Variants in HERC1 observed in about 807,000 individuals in gnomAD.
The protein encoded by HERC1 is HECT and RLD domain containing E3 ubiquitin protein ligase family member 1.
In HERC1, 160 loss-of-function variants were observed where a neutral mutation model predicts 554.3. That is an observed-to-expected ratio of 0.29 (90% CI 0.25 to 0.33). HERC1 has a LOEUF of 0.33. HERC1 is among the 10% of genes least tolerant of loss of function. HERC1 has a pLI of 1.00. For missense variants in HERC1, 4,919 were observed against 5,918.5 expected (o/e 0.83, Z 5.54); for synonymous variants, 2,175 against 2,131.7 (o/e 1.02, Z -0.56).
At position 63,660,956 on chromosome 15, in the gene HERC1, C is replaced by G. The variant is rs983969993; in HGVS notation, c.9223+17G>C. On this transcript the variant is annotated intron_variant, in intron 46 of 77. Transcript: ENST00000443617. ...TAAAAAAACATGTAAAATAAAGAAG[C>G]TCTCAAAACAAACTACCTTCATACA... The G allele has an allele frequency of 5.2e-6, 8 of 1,537,282 alleles. No individual in the cohort carries two copies. In the African/African-American group the frequency reaches 9.5e-5, roughly 18 times the overall value.
Position 63,674,366 on chromosome 15 carries a change from G to T in HERC1, c.7822C>A (p.Gln2608Lys). ...KLVVHGLLED[Q>K]FGGKIKQEID... is the part of the protein sequence containing the mutation. Reference sequence around the variant, plus strand: ...CCTTGCTTAATTTTGCCCCCAAACTGGTCTTCCAAAAGCCCATGAACCACT... The same window carrying T: ...CCTTGCTTAATTTTGCCCCCAAACTTGTCTTCCAAAAGCCCATGAACCACT... Residue 2608 changes from glutamine (Q) to lysine (K), a missense_variant, in exon 38 of 78, where the codon CAG becomes AAG. Physicochemically the swap from Gln to Lys is moderately conservative, Grantham distance 53. Coordinates refer to ENST00000443617, the MANE Select transcript of HERC1 (RefSeq NM_003922.4). The T allele has an allele frequency of 6.2e-7, 1 of 1,605,078 alleles. No individual in the cohort carries two copies. The highest frequency in any genetic ancestry group is 8.5e-7 in the Non-Finnish European group (1 of 1,175,800).
intron 1 of HERC1, among the ~76,000 whole-genome samples, chr15:63,822,106 A>G (rs1327039049): frequency 6.6e-6 from 1 of 152,114 alleles, no homozygotes; most frequent in African/African-American, 2.4e-5. Flanking sequence ...AGCAGTGCAA[A>G]AACTTGAGGA....
At chr15:63,650,145 G>A (rs2069592508) in intron 53 of HERC1, among the ~76,000 whole-genome samples, 1 of 152,056 alleles carries the variant, frequency 6.6e-6, no homozygotes, top group African/African-American at 2.4e-5. Context: ...GCTCATGCCT[G>A]TAATCCTAGC....
chr15:63,651,394 G>A lies in HERC1; in HGVS notation c.10419-14C>T, dbSNP rs1365481031. ...GCATCCCCTTCCCTAGAATATAACA[G>A]ACAGATATGCAGTTCTAATCCCCAT... On this transcript the variant is annotated splice_polypyrimidine_tract_variant and intron_variant, in intron 52 of 77. Transcript: ENST00000443617. The A allele has an allele frequency of 6.2e-7, 1 of 1,609,166 alleles. No individual in the cohort carries two copies.
At chr15:63,788,391 T>C (rs191792691) in intron 1 of HERC1, among the ~76,000 whole-genome samples, 2 of 152,330 alleles carry the variant, frequency 1.3e-5, no homozygotes, top group Admixed American at 6.5e-5. Flanking sequence ...AAAGAAACTA[T>C]AATCACAACA....
intron 24 of HERC1, among the ~76,000 whole-genome samples, chr15:63,711,514 C>T (rs1447621601): frequency 6.6e-6 from 1 of 152,112 alleles, no homozygotes; most frequent in Admixed American, 6.5e-5. Context: ...TGTCATGATA[C>T]AATGAAACGT....
intron 12 of HERC1, among the ~76,000 whole-genome samples, chr15:63,744,813 A>T (rs1213960642): frequency 6.6e-6 from 1 of 152,138 alleles, no homozygotes; most frequent in Non-Finnish European, 1.5e-5. Flanking sequence ...TCCTGGAATC[A>T]GGGATCCCAA....
In HERC1 at chr15:63,613,675, TA is replaced by T. The variant is rs547243543; in HGVS notation, c.14095-1120del. Among the ~76,000 whole-genome samples, 1,029 of 150,462 alleles carry T rather than the reference TA, an allele frequency of 6.8e-3. 7 individuals carry two copies. The highest frequency in any genetic ancestry group is 0.011 in the Admixed American group (165 of 15,074). On this transcript the variant is annotated intron_variant, in intron 76 of 77. Transcript: ENST00000443617. ...TACATAATAAAATTTATTATATATA[TA>T]AAAAAAAACTGGGCCAAGTACAATG...
intron 14 of HERC1, among the ~76,000 whole-genome samples, chr15:63,730,851 A>G (rs1334803179): frequency 6.6e-6 from 1 of 152,216 alleles, no homozygotes; most frequent in African/African-American, 2.4e-5. Flanking sequence ...AAATTACTTC[A>G]AGTTAAAAAT....
At chr15:63,691,171 A>T (rs1477427961) in intron 31 of HERC1, among the ~76,000 whole-genome samples, 1 of 152,230 alleles carries the variant, frequency 6.6e-6, no homozygotes, top group Non-Finnish European at 1.5e-5. Flanking sequence ...ATACTTTTCT[A>T]AAGTAAGCCA....
At chr15:63,714,659 C>T (rs2073464417) in intron 22 of HERC1, among the ~76,000 whole-genome samples, 3 of 149,792 alleles carry the variant, frequency 2.0e-5, no homozygotes, top group African/African-American at 7.4e-5. Flanking sequence ...AGCGATTCTC[C>T]TGCCTCAGCC....
intron 33 of HERC1, among the ~76,000 whole-genome samples, chr15:63,688,125 G>C (rs1262165311): frequency 6.6e-6 from 1 of 152,218 alleles, no homozygotes; most frequent in African/African-American, 2.4e-5. Flanking sequence ...AGAACACTTA[G>C]AAGGTTACTG....
chr15:63,638,420 C>G lies in HERC1; in HGVS notation c.12084G>C (p.Gln4028His). The G allele has an allele frequency of 1.9e-6, 3 of 1,613,600 alleles. No individual in the cohort carries two copies. Among genetic ancestry groups the G allele is most frequent in the Non-Finnish European group, 2.5e-6 (3 of 1,179,692 alleles). ...TTATCCTGTTAGTTACCTGTTGGGC[C>G]TGTGAGAATGAGGGAGCTGCTGCAG... The part of the protein sequence containing the change: ...MVPAAAPSFS[Q>H]AQQVICGQNC... Residue 4028 changes from glutamine (Q) to histidine (H), a missense_variant, in exon 63 of 78, where the codon CAG becomes CAC. Gln to His is a conservative substitution (Grantham distance 24, BLOSUM62 0). This residue lies in a region of HERC1 where 122 missense variants were observed against 195.2 expected (regional missense o/e 0.63). Coordinates refer to ENST00000443617, the MANE Select transcript of HERC1 (RefSeq NM_003922.4).
At chr15:63,637,954 T>G (rs1015684717) in intron 63 of HERC1, among the ~76,000 whole-genome samples, 1 of 152,040 alleles carries the variant, frequency 6.6e-6, no homozygotes, top group Admixed American at 6.5e-5. Flanking sequence ...AACTCGTACA[T>G]AAGAATGAGT....
intron 48 of HERC1, among the ~76,000 whole-genome samples, chr15:63,656,720 A>G (rs1398086559): frequency 6.6e-6 from 1 of 152,224 alleles, no homozygotes; most frequent in Non-Finnish European, 1.5e-5. Flanking sequence ...TTTCTCAGTC[A>G]CGATGCTCTC....
chr15:63,808,784 T>C (rs2077208732), intron 1 of HERC1, among the ~76,000 whole-genome samples: 1 of 152,152 alleles, frequency 6.6e-6, no homozygotes, highest in Non-Finnish European at 1.5e-5. Flanking sequence ...TCAACAGAAG[T>C]ATACTTTCTA....
chr15:63,796,358 T>A (rs1231400686), intron 1 of HERC1, among the ~76,000 whole-genome samples: 1 of 152,244 alleles, frequency 6.6e-6, no homozygotes, highest in African/African-American at 2.4e-5. Flanking sequence ...CTAAATTCAG[T>A]AGTTTCTAAT....
At position 63,773,065 on chromosome 15, in the gene HERC1, A is replaced by G. The variant is rs116549442; in HGVS notation, c.930+1629T>C. Among the ~76,000 whole-genome samples, 718 of 152,308 alleles carry G rather than the reference A, an allele frequency of 4.7e-3. 10 individuals are homozygous for G. The highest frequency in any genetic ancestry group is 0.017 in the African/African-American group (688 of 41,554). ...GTAGGGGGAGACTTGAAATATACAT[A>G]TATCATTTATAAGTGACATTTTTAG... On this transcript the variant is annotated intron_variant, in intron 2 of 77. Coordinates refer to ENST00000443617, the MANE Select transcript of HERC1 (RefSeq NM_003922.4).
chr15:63,696,423 A>G (rs1297750398), intron 26 of HERC1, 84 bp from the exon 27 acceptor site: 3 of 879,436 alleles, frequency 3.4e-6, no homozygotes, highest in East Asian at 5.3e-5. Flanking sequence ...TATTTTTAAC[A>G]CTTAGAAAAT....
Sources: allele counts gnomAD v4.1 joint callset (sites outside exome capture counted in the v4.1 genomes callset), GRCh38; gene constraint gnomAD v4.1.1; regional missense constraint gnomAD v4.1.1; transcripts MANE v1.5; gene names NCBI Gene and HGNC (gene_info 2026-07-23, HGNC 2026-07-21).